RAB38: variants seen among roughly 807,000 people sequenced by gnomAD.
The protein encoded by RAB38 is ras-related protein Rab-38.
A neutral mutation model predicts 18.4 loss-of-function variants in RAB38; 15 were observed. The observed-to-expected ratio is 0.82, with a 90% CI of 0.55 to 1.26. The LOEUF (loss-of-function observed/expected upper bound fraction) is 1.26, where lower values mean the gene tolerates loss of function less well. RAB38 is among the 50% of genes most tolerant of loss of function. The pLI is 0.00. For missense variants in RAB38, 294 were observed against 267.4 expected (o/e 1.10, Z -0.69); for synonymous variants, 101 against 104.4 (o/e 0.97, Z 0.20).
chr11:87,904,555 G>C, the RAB38 span, among the ~76,000 whole-genome samples: 4 of 151,578 alleles, frequency 2.6e-5, no homozygotes, highest in African/African-American at 9.7e-5. Context: ...ATGAATATAT[G>C]AGTGCATGTA....
chr11:88,157,731 G>A (rs1240597122), intron 1 of RAB38, among the ~76,000 whole-genome samples: 2 of 152,062 alleles, frequency 1.3e-5, no homozygotes, highest in Non-Finnish European at 2.9e-5. Context: ...ACTTGCTTTT[G>A]AATGACTTTC....
the RAB38 span, among the ~76,000 whole-genome samples, chr11:87,864,028 C>T: frequency 5.8e-4 from 88 of 151,678 alleles, no homozygotes; most frequent in East Asian, 8.6e-3. Context: ...GTCGTGATCA[C>T]GGTAAAAATC....
At chr11:87,900,028 C>T in the RAB38 span, among the ~76,000 whole-genome samples, 36 of 151,470 alleles carry the variant, frequency 2.4e-4, no homozygotes, top group African/African-American at 8.2e-4. Context: ...TATCTCTGAA[C>T]GAGACACTGA....
chr11:88,049,456 C>A, the RAB38 span, among the ~76,000 whole-genome samples: 2 of 147,340 alleles, frequency 1.4e-5, no homozygotes, highest in Admixed American at 7.0e-5. Flanking sequence ...CAGAGAATAA[C>A]CCCCCCGATT....
At chr11:88,014,389 C>T in the RAB38 span, among the ~76,000 whole-genome samples, 8 of 152,156 alleles carry the variant, frequency 5.3e-5, no homozygotes, top group Admixed American at 2.6e-4. Context: ...AGAATGACCC[C>T]GGTCTGTTAC....
the RAB38 span, among the ~76,000 whole-genome samples, chr11:88,042,921 T>G: frequency 6.6e-6 from 1 of 152,204 alleles, no homozygotes; most frequent in African/African-American, 2.4e-5. Flanking sequence ...TAAGAAAATT[T>G]GACTTGCTAA....
chr11:87,874,645 T>G, the RAB38 span, among the ~76,000 whole-genome samples: 1 of 149,982 alleles, frequency 6.7e-6, no homozygotes, highest in Admixed American at 6.7e-5. Context: ...ACTTAAAGTA[T>G]AATAAAATAT....
At chr11:88,064,513 T>G in the RAB38 span, among the ~76,000 whole-genome samples, 6 of 152,202 alleles carry the variant, frequency 3.9e-5, no homozygotes, top group Non-Finnish European at 7.3e-5. Flanking sequence ...ATCCTTGAGT[T>G]GCCTCATGGG....
At chr11:88,161,938 T>C (rs563943133) in intron 1 of RAB38, among the ~76,000 whole-genome samples, 1 of 152,196 alleles carries the variant, frequency 6.6e-6, no homozygotes, top group African/African-American at 2.4e-5. Context: ...TCTATATTTC[T>C]AGGGAGTAAC....
chr11:87,850,077 CACAT>C, the RAB38 span, among the ~76,000 whole-genome samples: 2 of 152,172 alleles, frequency 1.3e-5, no homozygotes, highest in Non-Finnish European at 2.9e-5. Context: ...CACACGTGTC[CACAT>C]ACATACACAC....
chr11:87,894,462 A>G, the RAB38 span, among the ~76,000 whole-genome samples: 2 of 151,690 alleles, frequency 1.3e-5, no homozygotes, highest in Admixed American at 6.6e-5. Context: ...CAGTTCCGAC[A>G]TACTTTGGAC....
intron 2 of RAB38, among the ~76,000 whole-genome samples, chr11:88,121,174 G>T (rs1257700605): frequency 6.6e-6 from 1 of 152,100 alleles, no homozygotes; most frequent in African/African-American, 2.4e-5. Context: ...CACCTCCATT[G>T]ACACCACTAC....
At chr11:88,159,772 C>T (rs1943168310) in intron 1 of RAB38, among the ~76,000 whole-genome samples, 1 of 151,904 alleles carries the variant, frequency 6.6e-6, no homozygotes, top group Admixed American at 6.6e-5. Flanking sequence ...AGCTGCCTAG[C>T]CATATGCAGA....
At chr11:87,877,341 T>C in the RAB38 span, among the ~76,000 whole-genome samples, 1 of 151,564 alleles carries the variant, frequency 6.6e-6, no homozygotes, top group Admixed American at 6.6e-5. Context: ...CCCAATTTTC[T>C]CATCTCAAAT....
At chr11:88,116,098 C>T (rs916450515) in intron 2 of RAB38, among the ~76,000 whole-genome samples, 1 of 152,180 alleles carries the variant, frequency 6.6e-6, no homozygotes, top group African/African-American at 2.4e-5. Flanking sequence ...CTTAGTGTCA[C>T]GTCTAAGGGT....
At chr11:88,120,054 C>T (rs12363067) in intron 2 of RAB38, among the ~76,000 whole-genome samples, 2,172 of 152,282 alleles carry the variant, frequency 0.014, 27 homozygotes, top group South Asian at 0.029. Flanking sequence ...TCTGTCCTCC[C>T]TTGTCCCTCA....
chr11:88,031,933 G>A, the RAB38 span, among the ~76,000 whole-genome samples: 1 of 151,716 alleles, frequency 6.6e-6, no homozygotes, highest in Non-Finnish European at 1.5e-5. Context: ...TCAATCCTAA[G>A]CCAAAAGAAC....
chr11:87,890,664 G>A, the RAB38 span, among the ~76,000 whole-genome samples: 1 of 151,466 alleles, frequency 6.6e-6, no homozygotes, highest in Non-Finnish European at 1.5e-5. Context: ...AGCCATAATC[G>A]AAACTTCCTG....
the RAB38 span, among the ~76,000 whole-genome samples, chr11:87,809,352 C>T: frequency 6.6e-6 from 1 of 152,180 alleles, no homozygotes; most frequent in Non-Finnish European, 1.5e-5. Flanking sequence ...CATGCCCAGT[C>T]CTAGATGTGA....
Sources: allele counts gnomAD v4.1 joint callset (sites outside exome capture counted in the v4.1 genomes callset), GRCh38; gene constraint gnomAD v4.1.1; transcripts MANE v1.5; gene names NCBI Gene and HGNC (gene_info 2026-07-23, HGNC 2026-07-21).